SCAI: variants seen among roughly 807,000 people sequenced by gnomAD.
SCAI encodes the protein protein SCAI.
In SCAI, 24 loss-of-function variants were observed where a neutral mutation model predicts 92.2. The observed-to-expected ratio is 0.26, with a 90% CI of 0.19 to 0.37. The LOEUF is 0.37. Among genes scored for constraint, SCAI ranks in the 10% least tolerant of loss-of-function variants. The pLI, the probability that SCAI is intolerant of heterozygous loss-of-function variation, is 1.00. For synonymous variants in SCAI, 261 were observed against 258.6 expected (o/e 1.01, Z -0.09); for missense variants, 450 against 736.2 (o/e 0.61, Z 4.50).
At chr9:125,044,695 C>T (rs1833399593) in intron 3 of SCAI, among the ~76,000 whole-genome samples, 1 of 152,278 alleles carries the variant, frequency 6.6e-6, no homozygotes, top group Non-Finnish European at 1.5e-5. Flanking sequence ...TGAAACATGC[C>T]CCCTTGCTCG....
At chr9:125,027,148 A>G (rs186724897) in intron 5 of SCAI, among the ~76,000 whole-genome samples, 3 of 152,116 alleles carry the variant, frequency 2.0e-5, no homozygotes, top group South Asian at 4.1e-4. Context: ...ATGCCAACCC[A>G]TATTACACAT....
intron 9 of SCAI, among the ~76,000 whole-genome samples, chr9:125,004,118 A>G (rs925037977): frequency 6.6e-6 from 1 of 152,028 alleles, no homozygotes; most frequent in Non-Finnish European, 1.5e-5. Context: ...GGAGGTTGCA[A>G]TGAACCGAAA....
intron 5 of SCAI, among the ~76,000 whole-genome samples, chr9:125,027,448 G>C (rs1337445345): frequency 6.6e-6 from 1 of 152,154 alleles, no homozygotes; most frequent in African/African-American, 2.4e-5. Context: ...TTAGTGGTGG[G>C]AATTTGGAGC....
chr9:125,004,416 C>T (rs945425332), intron 9 of SCAI, among the ~76,000 whole-genome samples: 9 of 150,962 alleles, frequency 6.0e-5, no homozygotes, highest in Non-Finnish European at 1.3e-4. Context: ...GCAACATCTG[C>T]CTCCCGTGTT....
chr9:124,995,920 G>A (rs927516541), intron 13 of SCAI, among the ~76,000 whole-genome samples: 4 of 152,094 alleles, frequency 2.6e-5, no homozygotes, highest in Non-Finnish European at 4.4e-5. Flanking sequence ...GAGCCAATGC[G>A]TAAGGTCAGA....
intron 5 of SCAI, among the ~76,000 whole-genome samples, chr9:125,028,160 A>G (rs1451151052): frequency 6.6e-6 from 1 of 152,236 alleles, no homozygotes; most frequent in East Asian, 1.9e-4. Flanking sequence ...TAAGTTATAA[A>G]TGAGTCTGAC....
intron 2 of SCAI, among the ~76,000 whole-genome samples, chr9:125,104,527 T>TA (rs1218504457): frequency 2.0e-5 from 3 of 148,874 alleles, no homozygotes; most frequent in Non-Finnish European, 4.4e-5. Context: ...TCTCAAGACA[T>TA]TAAGGAAAAA....
At chr9:124,972,272 C>G (rs1425231883) in intron 15 of SCAI, among the ~76,000 whole-genome samples, 5 of 152,166 alleles carry the variant, frequency 3.3e-5, no homozygotes, top group Admixed American at 6.5e-5. Flanking sequence ...TGGCCCCATA[C>G]ATTGCTGACT....
At chr9:125,006,553 G>A (rs977193811) in intron 9 of SCAI, among the ~76,000 whole-genome samples, 6 of 152,116 alleles carry the variant, frequency 3.9e-5, no homozygotes, top group East Asian at 1.9e-4. Context: ...GTGCAGTGGC[G>A]CGATCTCGGC....
chr9:125,120,017 G>A (rs1011722216), intron 2 of SCAI, among the ~76,000 whole-genome samples: 1 of 152,146 alleles, frequency 6.6e-6, no homozygotes, highest in Non-Finnish European at 1.5e-5. Context: ...AGCCCTAAAC[G>A]TGACACGTCG....
intron 2 of SCAI, among the ~76,000 whole-genome samples, chr9:125,085,028 T>C (rs1371446915): frequency 6.6e-6 from 1 of 152,188 alleles, no homozygotes; most frequent in Non-Finnish European, 1.5e-5. Flanking sequence ...GCACTAACTA[T>C]CCTATCTTAC....
chr9:124,999,736 C>A (rs1354852433), intron 13 of SCAI, among the ~76,000 whole-genome samples, 155 bp downstream of exon 13: 2 of 152,114 alleles, frequency 1.3e-5, no homozygotes, highest in Non-Finnish European at 2.9e-5. Context: ...TGAATTATTG[C>A]TGGAATCCAA....
intron 2 of SCAI, among the ~76,000 whole-genome samples, chr9:125,072,459 CAG>C (rs1406374233): frequency 1.3e-5 from 2 of 151,894 alleles, no homozygotes; most frequent in Non-Finnish European, 2.9e-5. Context: ...AGAAATAAAA[CAG>C]AAAAAATTGA....
intron 9 of SCAI, among the ~76,000 whole-genome samples, chr9:125,010,555 C>A (rs1459641936): frequency 6.6e-6 from 1 of 152,242 alleles, no homozygotes; most frequent in Non-Finnish European, 1.5e-5. Flanking sequence ...GAGCCTACCA[C>A]GGCTCAAGGA....
At chr9:125,020,424 C>T (rs1832848815) in intron 7 of SCAI, among the ~76,000 whole-genome samples, 1 of 152,106 alleles carries the variant, frequency 6.6e-6, no homozygotes, top group African/African-American at 2.4e-5. Flanking sequence ...CACTGATGGG[C>T]TTTGAAATGT....
intron 2 of SCAI, among the ~76,000 whole-genome samples, chr9:125,063,106 C>CA (rs369543229): frequency 5.3e-5 from 8 of 150,024 alleles, no homozygotes; most frequent in African/African-American, 2.0e-4. Flanking sequence ...CCCCCCACCC[C>CA]CCCCAGAAAA....
chr9:125,044,949 C>T (rs560501959), intron 3 of SCAI, among the ~76,000 whole-genome samples: 56 of 152,354 alleles, frequency 3.7e-4, no homozygotes, highest in Non-Finnish European at 6.0e-4. Context: ...GCCTGCCCCA[C>T]CACGGCAGCT....
chr9:125,009,833 C>A (rs2131053882), intron 9 of SCAI, among the ~76,000 whole-genome samples: 1 of 152,130 alleles, frequency 6.6e-6, no homozygotes, highest in African/African-American at 2.4e-5. Flanking sequence ...CCAGAGGTGG[C>A]AGTGAGTCAA....
intron 6 of SCAI, among the ~76,000 whole-genome samples, chr9:125,025,966 C>A (rs927457761): frequency 3.9e-5 from 6 of 152,180 alleles, no homozygotes; most frequent in Non-Finnish European, 7.3e-5. Flanking sequence ...AATATTCAGA[C>A]CTTCTGTGCC....
Sources: gnomAD v4.1 joint callset for allele counts (sites outside exome capture counted in the v4.1 genomes callset) on GRCh38, gnomAD v4.1.1 for gene constraint, MANE v1.5 for transcripts, NCBI Gene and HGNC (gene_info 2026-07-23, HGNC 2026-07-21) for gene names.